SP110: variants seen among roughly 807,000 people sequenced by gnomAD.
The protein encoded by SP110 is interferon-induced protein 41, 30kD.
A neutral mutation model predicts 92.7 loss-of-function variants in SP110; 62 were observed. The ratio of observed to expected loss-of-function variants is 0.67; its 90% CI spans 0.55 to 0.83. SP110 has a LOEUF of 0.83. Among genes scored for constraint, SP110 ranks in the 40% least tolerant of loss-of-function variants. The pLI is 0.00. For missense variants in SP110, 793 were observed against 863.9 expected, an observed-to-expected ratio of 0.92 and a Z score of 1.03; for synonymous variants, 273 against 305.3, an observed-to-expected ratio of 0.89 and a Z score of 1.10.
chr2:230,172,803 G>A, intron 15 of SP110, 41 bp downstream of exon 15: 5 of 1,320,510 alleles, frequency 3.8e-6, no homozygotes, highest in Non-Finnish European at 5.5e-6. Flanking sequence ...CCATCTGGAG[G>A]TGAGTGCTGT....
At chr2:230,199,277 T>C (rs1293162053) in intron 10 of SP110, among the ~76,000 whole-genome samples, 1 of 147,946 alleles carries the variant, frequency 6.8e-6, no homozygotes, top group Non-Finnish European at 1.5e-5. Flanking sequence ...GGTGTGATCT[T>C]GGCTCGCTGC....
chr2:230,184,840 C>T (rs1403735371), intron 11 of SP110, among the ~76,000 whole-genome samples: 5 of 152,140 alleles, frequency 3.3e-5, no homozygotes, highest in Admixed American at 6.5e-5. Flanking sequence ...TGGTAATTCA[C>T]GATCCTCCCA....
chr2:230,218,368 C>T (rs1352469065), intron 1 of SP110, among the ~76,000 whole-genome samples: 2 of 152,130 alleles, frequency 1.3e-5, no homozygotes, highest in African/African-American at 4.8e-5. Context: ...GAATAATCCG[C>T]AATCGCATAG....
chr2:230,187,863 A>G (rs949188542), intron 10 of SP110, among the ~76,000 whole-genome samples: 10 of 152,096 alleles, frequency 6.6e-5, no homozygotes, highest in African/African-American at 2.4e-4. Context: ...ATCTACTTTT[A>G]TAACAGTATC....
rs1230341579 is a variant in SP110 at position 230,185,887 on chromosome 2, C to T, written c.1279+107G>A. 8 of 948,636 alleles carry T rather than the reference C, an allele frequency of 8.4e-6. No homozygotes were observed. In the African/African-American group the frequency reaches 1.3e-4, roughly 15 times the overall value. 58.8% of individuals were successfully genotyped at this position (948,636 alleles called of 1,614,324 possible). ...CTTCATGTCCCTCTTTTCTGTACGT[C>T]TCCCTCCTTCTACTATTGACTTTAC... is the stretch of plus-strand genomic sequence containing the variant. On this transcript the variant is annotated intron_variant, in intron 11 of 18. Coordinates refer to ENST00000258381, the MANE Select transcript of SP110 (RefSeq NM_080424.4).
At chr2:230,195,917 T>C (rs1453886007) in intron 10 of SP110, among the ~76,000 whole-genome samples, 1 of 152,034 alleles carries the variant, frequency 6.6e-6, no homozygotes, top group South Asian at 2.1e-4. Context: ...TGAATGGTAA[T>C]CTAGGAAAAT....
chr2:230,178,056 C>T (rs1574606244), intron 13 of SP110, 101 bp downstream of exon 13: 1 of 766,822 alleles, frequency 1.3e-6, no homozygotes, highest in Non-Finnish European at 2.3e-6. Flanking sequence ...GTCTAGCTAG[C>T]AGGGTCCATT....
intron 12 of SP110, 72 bp from the exon 13 acceptor site, chr2:230,178,327 T>C: frequency 2.3e-6 from 2 of 859,948 alleles, no homozygotes; most frequent in East Asian, 2.6e-5. Context: ...CTCCCCTCCA[T>C]GAATTCCAAT....
At chr2:230,213,430 G>T (rs2044721358) in intron 3 of SP110, among the ~76,000 whole-genome samples, 1 of 152,086 alleles carries the variant, frequency 6.6e-6, no homozygotes, top group African/African-American at 2.4e-5. Flanking sequence ...GCAAATAAGA[G>T]AAAATAAAAA....
chr2:230,225,386 A>G (rs2046199323), intron 1 of SP110: 1 of 254,188 alleles, frequency 3.9e-6, no homozygotes. Flanking sequence ...GGCCTAAGCC[A>G]TCCAGCCCAG....
chr2:230,168,930 T>TTTTC lies in SP110; in HGVS notation c.*193_*194insGAAA. ...AAGGAAGTATTAATTTTTTTTTTTTTTAGTGTAGATATAGACTTTTAAAGG... is the reference window on the plus strand; with the variant it reads ...AAGGAAGTATTAATTTTTTTTTTTTTTTTCTAGTGTAGATATAGACTTTTAAAGG... On this transcript the variant is annotated 3_prime_UTR_variant, in exon 19 of 19. Transcript: ENST00000258381. 1.9e-6 allele frequency: 1 copy of TTTTC among 539,162 alleles called. No individual in the cohort carries two copies. Among genetic ancestry groups the TTTTC allele is most frequent in the Middle Eastern group, 5.1e-4 (1 of 1,968 alleles). The allele number at this position is 539,162 out of a possible 1,614,324, so 33.4% of individuals were successfully genotyped here.
intron 12 of SP110, among the ~76,000 whole-genome samples, chr2:230,180,433 G>C (rs1344765466): frequency 6.6e-6 from 1 of 151,788 alleles, no homozygotes; most frequent in Non-Finnish European, 1.5e-5. Context: ...GGGATGATTG[G>C]GGGTGGAGAT....
chr2:230,183,508 G>A, intron 12 of SP110, 64 bp downstream of exon 12: 1 of 1,051,978 alleles, frequency 9.5e-7, no homozygotes, highest in Non-Finnish European at 1.5e-6. Context: ...GGCGGGTGGA[G>A]CTTCCAGCAG....
chr2:230,176,758 T>A (rs201868032), intron 14 of SP110: 199 of 1,612,930 alleles, frequency 1.2e-4, no homozygotes, highest in Non-Finnish European at 1.6e-4. Flanking sequence ...AATGAGGTTA[T>A]TCTGGAGGTT....
rs1305748497 is a variant in SP110 at position 230,165,432 on chromosome 2, A to G, written c.*3692T>C. Among the ~76,000 whole-genome samples, 1 of 152,262 alleles carries G rather than the reference A, an allele frequency of 6.6e-6. No individual in the cohort carries two copies. The highest frequency in any genetic ancestry group is 6.5e-5 in the Admixed American group (1 of 15,290). On this transcript the variant is annotated 3_prime_UTR_variant, in exon 19 of 19. Transcript: ENST00000258381. ...CAGAAACACATTAATACTGTTCTCA[A>G]AAATACAGGTTATCACGTAACACAC...
chr2:230,215,010 TG>T lies in SP110; in HGVS notation c.255del (p.Phe85LeufsTer13), dbSNP rs1258924847. 1 of 1,613,840 alleles carries T rather than the reference TG, an allele frequency of 6.2e-7. No individual in the cohort carries two copies. The highest frequency in any genetic ancestry group is 2.2e-5 in the East Asian group (1 of 44,902). On this transcript the variant is annotated frameshift_variant, in exon 3 of 19. Coordinates refer to ENST00000258381, the MANE Select transcript of SP110 (RefSeq NM_080424.4). LOFTEE classifies it high-confidence loss of function. ...TFNLSLLVTL[F>X]SQINLREYPN... ...GGATATTCACGCAGGTTAATTTGAC[TG>T]AACAATGTCACCAGAAGAGACAGGT...
chr2:230,184,497 G>A (rs1334577884), intron 11 of SP110, among the ~76,000 whole-genome samples: 5 of 152,276 alleles, frequency 3.3e-5, no homozygotes, highest in East Asian at 1.9e-4. Flanking sequence ...GACAGCCTCC[G>A]AAGCAAAGAA....
chr2:230,223,224 A>G (rs1313693868), upstream of SP110, among the ~76,000 whole-genome samples: 4 of 151,958 alleles, frequency 2.6e-5, no homozygotes, highest in African/African-American at 9.7e-5. Context: ...TTTAGTAGAG[A>G]TGGGGTTTCA....
chr2:230,170,459 C>T (rs758663451), intron 18 of SP110, among the ~76,000 whole-genome samples, 162 bp downstream of exon 18: 4 of 151,810 alleles, frequency 2.6e-5, no homozygotes, highest in Non-Finnish European at 4.4e-5. Context: ...GCCACTCACT[C>T]CTTGCCTCCA....
Sources: allele counts gnomAD v4.1 joint callset (sites outside exome capture counted in the v4.1 genomes callset), GRCh38; gene constraint gnomAD v4.1.1; transcripts MANE v1.5; gene names NCBI Gene and HGNC (gene_info 2026-07-23, HGNC 2026-07-21).